CD247: variants seen among roughly 807,000 people sequenced by gnomAD.
The protein encoded by CD247 is CD247 molecule.
Under a neutral mutation model 30.0 loss-of-function variants are expected in CD247, and 13 were observed. That is an observed-to-expected ratio of 0.43 (90% CI 0.28 to 0.69). CD247 has a LOEUF of 0.69. Among genes scored for constraint, CD247 ranks in the 30% least tolerant of loss-of-function variants. The pLI is 0.16. For synonymous variants in CD247, 72 were observed against 80.0 expected, an observed-to-expected ratio of 0.90 and a Z score of 0.53; for missense variants, 193 against 212.6, an observed-to-expected ratio of 0.91 and a Z score of 0.57.
intron 1 of CD247, among the ~76,000 whole-genome samples, chr1:167,509,459 A>G (rs1272670237): frequency 3.0e-4 from 45 of 151,788 alleles, no homozygotes; most frequent in Admixed American, 3.0e-3. Flanking sequence ...GAACCACCTT[A>G]TTGGATTGTT....
At chr1:167,473,927 C>T (rs1292235150) in intron 1 of CD247, among the ~76,000 whole-genome samples, 1 of 152,122 alleles carries the variant, frequency 6.6e-6, no homozygotes, top group Non-Finnish European at 1.5e-5. Context: ...TTGGTTGCAC[C>T]TTGCATATCT....
chr1:167,460,318 C>T (rs1237544414), intron 1 of CD247, among the ~76,000 whole-genome samples: 1 of 152,154 alleles, frequency 6.6e-6, no homozygotes, highest in Non-Finnish European at 1.5e-5. Context: ...GGGAGGATCA[C>T]CTGAGCCCGA....
chr1:167,518,301 T>C (rs1174794595), intron 1 of CD247, 107 bp downstream of exon 1: 1 of 1,038,856 alleles, frequency 9.6e-7, no homozygotes, highest in Non-Finnish European at 1.5e-6. Context: ...AGGGCAGGAT[T>C]TGAAGGAGAC....
At chr1:167,471,238 T>C (rs1653510538) in intron 1 of CD247, among the ~76,000 whole-genome samples, 1 of 152,228 alleles carries the variant, frequency 6.6e-6, no homozygotes, top group South Asian at 2.1e-4. Flanking sequence ...TATATTTTTC[T>C]GGAAAGTAAC....
At chr1:167,433,735 A>AT (rs1164184160) in intron 6 of CD247, among the ~76,000 whole-genome samples, 5 of 152,258 alleles carry the variant, frequency 3.3e-5, no homozygotes, top group African/African-American at 1.2e-4. Context: ...GGCAGCACAT[A>AT]TTAAGCACTC....
At chr1:167,491,567 C>CAA (rs34384774) in intron 1 of CD247, among the ~76,000 whole-genome samples, 6,766 of 143,246 alleles carry the variant, frequency 0.047, 163 homozygotes, top group Non-Finnish European at 0.055. Flanking sequence ...AACTCCATCT[C>CAA]AAAAAAAAAA....
At chr1:167,437,334 G>A (rs944644490) in intron 4 of CD247, among the ~76,000 whole-genome samples, 2 of 152,072 alleles carry the variant, frequency 1.3e-5, no homozygotes, top group African/African-American at 4.8e-5. Context: ...GAACCCTAGA[G>A]GCAGAGGTTG....
At chr1:167,450,109 A>C (rs1474700559) in intron 1 of CD247, among the ~76,000 whole-genome samples, 1 of 152,180 alleles carries the variant, frequency 6.6e-6, no homozygotes, top group East Asian at 1.9e-4. Context: ...ATTGGTGCTC[A>C]TTTGTTTCCA....
Position 167,439,406 on chromosome 1 carries a change from A to G in CD247, c.163-6T>C. On this transcript the variant is annotated splice_polypyrimidine_tract_variant and splice_region_variant and intron_variant, in intron 2 of 7. Coordinates refer to ENST00000362089, the MANE Select transcript of CD247 (RefSeq NM_198053.3). ...GCGTCTGCGCTCCTGCTGAACTGCA[A>G]CACAGAAAGCAAAGCGCGTTACTGC... The G allele has an allele frequency of 1.2e-6, 2 of 1,613,990 alleles. No individual in the cohort carries two copies. Among genetic ancestry groups the G allele is most frequent in the Non-Finnish European group, 1.7e-6 (2 of 1,179,826 alleles).
chr1:167,452,363 G>A (rs1210318208), intron 1 of CD247, among the ~76,000 whole-genome samples: 16 of 150,236 alleles, frequency 1.1e-4, no homozygotes, highest in African/African-American at 1.7e-4. Flanking sequence ...GCAGTGAGCC[G>A]AGATTGTGCC....
chr1:167,471,322 T>C (rs1236597880), intron 1 of CD247, among the ~76,000 whole-genome samples: 1 of 152,214 alleles, frequency 6.6e-6, no homozygotes, highest in Non-Finnish European at 1.5e-5. Flanking sequence ...CTGGGCTATT[T>C]AAACTTAGGG....
chr1:167,504,256 GC>G (rs35356557), intron 1 of CD247, among the ~76,000 whole-genome samples: 1 of 152,130 alleles, frequency 6.6e-6, no homozygotes, highest in African/African-American at 2.4e-5. Context: ...CATAAAACAA[GC>G]CCCGGCATCA....
In CD247 at chr1:167,494,009, G is replaced by A. The variant is rs1280135016; in HGVS notation, c.58+24399C>T. ...CTGCAGGTGCAGCCTCCGGGACCCA[G>A]GACTTTCTTCTCAGGGCTCTGCTGA... On this transcript the variant is annotated intron_variant, in intron 1 of 7. Transcript: ENST00000362089. The surrounding 1 kb of genome is among the most constrained non-coding windows in gnomAD (Gnocchi z 7.3). Among the ~76,000 whole-genome samples, 1 of 152,094 alleles carries A rather than the reference G, an allele frequency of 6.6e-6. No homozygotes were observed. Among genetic ancestry groups the A allele is most frequent in the Non-Finnish European group, 1.5e-5 (1 of 68,016 alleles).
Position 167,460,662 on chromosome 1 carries a change from C to T in CD247, c.59-19895G>A, listed in dbSNP as rs144926696. ...CGTGCAGGTTTGTTACATAGGTATA[C>T]ATGTGCCATGTTGGTTTGCTGCACC... On this transcript the variant is annotated intron_variant, in intron 1 of 7. Transcript: ENST00000362089. 2.0e-3 allele frequency among the ~76,000 whole-genome samples: 306 copies of T among 152,306 alleles called. 3 individuals carry two copies. Among genetic ancestry groups the T allele is most frequent in the East Asian group, 7.7e-3 (40 of 5,182 alleles).
At chr1:167,467,464 T>G (rs543401677) in intron 1 of CD247, among the ~76,000 whole-genome samples, 1 of 152,322 alleles carries the variant, frequency 6.6e-6, no homozygotes, top group South Asian at 2.1e-4. Flanking sequence ...TTATTACTAC[T>G]TTCCAGCCTG....
chr1:167,483,261 G>C (rs1274204934), intron 1 of CD247, among the ~76,000 whole-genome samples: 1 of 152,112 alleles, frequency 6.6e-6, no homozygotes, highest in Non-Finnish European at 1.5e-5. Flanking sequence ...ACCTGCCTCA[G>C]CCTCCCAAAA....
Position 167,441,228 on chromosome 1 carries a change from G to T in CD247, c.59-461C>A, listed in dbSNP as rs113155349. On this transcript the variant is annotated intron_variant, in intron 1 of 7. Coordinates refer to ENST00000362089, the MANE Select transcript of CD247 (RefSeq NM_198053.3). ...ACAATAGGTCAAATGATGGTCAAAT[G>T]AGATCATTTCAATATCTGACAGTTA... 8.1e-3 allele frequency among the ~76,000 whole-genome samples: 1,232 copies of T among 152,320 alleles called. 16 individuals are homozygous for T. Among genetic ancestry groups the T allele is most frequent in the African/African-American group, 0.028 (1,173 of 41,554 alleles).
intron 1 of CD247, among the ~76,000 whole-genome samples, chr1:167,465,200 G>A (rs544354699): frequency 1.3e-5 from 2 of 152,052 alleles, no homozygotes; most frequent in East Asian, 1.9e-4. Flanking sequence ...TGGAGAAGGC[G>A]CCAGCCCCCT....
At chr1:167,466,096 G>A (rs141134332) in intron 1 of CD247, among the ~76,000 whole-genome samples, 1,642 of 152,280 alleles carry the variant, frequency 0.011, 27 homozygotes, top group African/African-American at 0.038. Flanking sequence ...CTGACAACAC[G>A]TTAGATTTAT....
Sources: allele counts gnomAD v4.1 joint callset (sites outside exome capture counted in the v4.1 genomes callset), GRCh38; gene constraint gnomAD v4.1.1; non-coding constraint Gnocchi (gnomAD v3.1); transcripts MANE v1.5; gene names NCBI Gene and HGNC (gene_info 2026-07-23, HGNC 2026-07-21).